TPCN2: variants seen among roughly 807,000 people sequenced by gnomAD.
TPCN2 encodes the protein two pore segment channel 2.
In TPCN2, 92 loss-of-function variants were observed where a neutral mutation model predicts 111.4. That is an observed-to-expected ratio of 0.83 (90% CI 0.70 to 0.98). The LOEUF is 0.98. Ranked by LOEUF, TPCN2 falls within the 50% of genes least tolerant of loss-of-function variation. The pLI is 0.00. For missense variants in TPCN2, 995 were observed against 980.1 expected (o/e 1.02, Z -0.20); for synonymous variants, 405 against 414.5 (o/e 0.98, Z 0.28).
In TPCN2 at chr11:69,078,692, T is replaced by C. The variant is rs751790353; in HGVS notation, c.1351-42T>C. The C allele has an allele frequency of 2.5e-6, 4 of 1,613,334 alleles. No homozygotes were observed. The African/African-American group carries it at 4.0e-5, about 16-fold the overall frequency. Reference sequence around the variant, plus strand: ...CTGCCCCTCCTGCCTCGCCCAGCGCTGTGCTGGGCCAGCCGGCGAGCCCTC... The same window carrying C: ...CTGCCCCTCCTGCCTCGCCCAGCGCCGTGCTGGGCCAGCCGGCGAGCCCTC... On this transcript the variant is annotated intron_variant, in intron 14 of 24. Coordinates refer to ENST00000294309, the MANE Select transcript of TPCN2 (RefSeq NM_139075.4).
intron 11 of TPCN2, 56 bp from the exon 12 acceptor site, chr11:69,072,571 G>T (rs1855583260): frequency 6.3e-7 from 1 of 1,586,780 alleles, no homozygotes; most frequent in Non-Finnish European, 8.6e-7. Context: ...CCCAGGCCAG[G>T]GTTCCAAGGG....
At chr11:69,063,995 A>G (rs1332967915) in intron 7 of TPCN2, 28 bp downstream of exon 7, 2 of 1,607,962 alleles carry the variant, frequency 1.2e-6, no homozygotes, top group South Asian at 2.2e-5. Context: ...AGGGTCTGGG[A>G]ATGGGGCTGC....
chr11:69,066,875 A>G (rs1283679720), intron 7 of TPCN2, among the ~76,000 whole-genome samples: 1 of 152,074 alleles, frequency 6.6e-6, no homozygotes, highest in Non-Finnish European at 1.5e-5. Context: ...TCTCAAGCAG[A>G]GTTGCTTTCC....
At chr11:69,072,603 C>A (rs3750964) in intron 11 of TPCN2, 24 bp from the exon 12 acceptor site, 1 of 1,612,726 alleles carries the variant, frequency 6.2e-7, no homozygotes, top group South Asian at 1.1e-5. Flanking sequence ...CTGTGCTCAC[C>A]GGGCTGTGGG....
intron 18 of TPCN2, among the ~76,000 whole-genome samples, chr11:69,081,892 G>T (rs1856027611): frequency 6.6e-6 from 1 of 152,164 alleles, no homozygotes; most frequent in East Asian, 1.9e-4. Context: ...CAGGGAGCTT[G>T]TTTCCAGGAT....
At chr11:69,051,230 C>T (rs1177359461) in intron 1 of TPCN2, among the ~76,000 whole-genome samples, 7 of 152,184 alleles carry the variant, frequency 4.6e-5, no homozygotes, top group African/African-American at 9.7e-5. Flanking sequence ...CTGATGGGGC[C>T]GGGGTCAAAG....
chr11:69,076,011 T>G (rs1855738350), intron 13 of TPCN2, among the ~76,000 whole-genome samples: 1 of 152,202 alleles, frequency 6.6e-6, no homozygotes, highest in Non-Finnish European at 1.5e-5. Flanking sequence ...AAATCTCTCT[T>G]GGCCAAGGTG....
In TPCN2 at chr11:69,078,990, G is replaced by GT. The variant is rs1380910177; in HGVS notation, c.1512dup (p.Asp505Ter). On this transcript the variant is annotated frameshift_variant, in exon 16 of 25. Transcript: ENST00000294309. LOFTEE classifies it high-confidence loss of function. ...GGTACCTGTCCTACCCCAGCAACGT[G>GT]TTTGACGGGCTCCTCACCGTTGTCC... The GT allele has an allele frequency of 6.2e-7, 1 of 1,613,548 alleles. No homozygotes were observed. The highest frequency in any genetic ancestry group is 1.1e-5 in the South Asian group (1 of 91,006).
intron 18 of TPCN2, among the ~76,000 whole-genome samples, chr11:69,083,582 A>G (rs1856137717): frequency 1.3e-5 from 2 of 152,198 alleles, no homozygotes. Flanking sequence ...GTTGGGAGGC[A>G]GAGAAGGGCC....
At chr11:69,076,068 C>T (rs749143201) in intron 13 of TPCN2, among the ~76,000 whole-genome samples, 4 of 152,118 alleles carry the variant, frequency 2.6e-5, no homozygotes, top group East Asian at 1.9e-4. Context: ...GTGGCAACTA[C>T]GATAAAAGAG....
intron 2 of TPCN2, 197 bp downstream of exon 2, chr11:69,054,294 C>T: frequency 5.0e-6 from 3 of 597,906 alleles, no homozygotes; most frequent in Admixed American, 2.9e-5. Flanking sequence ...GACGCATTTG[C>T]TGCTTTGATG....
intron 18 of TPCN2, among the ~76,000 whole-genome samples, chr11:69,082,549 G>A (rs12576631): frequency 6.6e-6 from 1 of 152,104 alleles, no homozygotes; most frequent in Non-Finnish European, 1.5e-5. Flanking sequence ...ATGTGAACTC[G>A]TGCCCGGGTA....
At chr11:69,061,574 G>A (rs1394777128) in intron 5 of TPCN2, among the ~76,000 whole-genome samples, 1 of 152,190 alleles carries the variant, frequency 6.6e-6, no homozygotes, top group African/African-American at 2.4e-5. Context: ...GGCGGATCGG[G>A]CAGTGCGGGG....
rs117594903 is a variant in TPCN2, at chr11:69,085,808, C to G, written c.1921-40C>G. On this transcript the variant is annotated intron_variant, in intron 21 of 24. Coordinates refer to ENST00000294309, the MANE Select transcript of TPCN2 (RefSeq NM_139075.4). ...CTCCCCGGGCTCCTCCCCTCCCTAC[C>G]TCCTGGGCCCTCCTGGACCGCTGGT... is the stretch of plus-strand genomic sequence containing the variant. 6,089 of 1,613,008 alleles carry G rather than the reference C, an allele frequency of 3.8e-3. 26 individuals are homozygous for G. The highest frequency in any genetic ancestry group is 4.8e-3 in the Non-Finnish European group (5,614 of 1,178,962).
intron 18 of TPCN2, among the ~76,000 whole-genome samples, chr11:69,081,722 C>T (rs554844477): frequency 1.3e-5 from 2 of 152,254 alleles, no homozygotes; most frequent in East Asian, 1.9e-4. Context: ...GAGAGGAAGG[C>T]GGGCAAGGGT....
chr11:69,051,455 G>A (rs937570291), intron 1 of TPCN2, among the ~76,000 whole-genome samples: 1 of 152,220 alleles, frequency 6.6e-6, no homozygotes, highest in African/African-American at 2.4e-5. Flanking sequence ...AGGACCTGGA[G>A]CACCTAGAGG....
chr11:69,071,646 G>GTCCC (rs932656983), intron 10 of TPCN2, among the ~76,000 whole-genome samples: 5 of 152,206 alleles, frequency 3.3e-5, no homozygotes, highest in African/African-American at 1.2e-4. Context: ...CCCTCTTGAG[G>GTCCC]GGGAGCTGGG....
chr11:69,078,002 T>C (rs1261117747), intron 13 of TPCN2, among the ~76,000 whole-genome samples: 1 of 152,200 alleles, frequency 6.6e-6, no homozygotes, highest in African/African-American at 2.4e-5. Context: ...CTGCTGAGCG[T>C]GGGAAGTGCT....
chr11:69,067,425 G>T lies in TPCN2; in HGVS notation c.727-78G>T, dbSNP rs1001180809. The T allele has an allele frequency of 3.7e-6, 5 of 1,350,530 alleles. No individual in the cohort carries two copies. The Admixed American group carries it at 5.1e-5, about 14-fold the overall frequency. The allele number at this position is 1,350,530 out of a possible 1,614,324, so 83.7% of individuals were successfully genotyped here. A position where few individuals can be genotyped will look rare whatever the true frequency, so the allele number is the denominator to read the frequency against. On this transcript the variant is annotated intron_variant, in intron 7 of 24. Transcript: ENST00000294309. ...GGGCGGCGGGTGGATGGTTCCAGCC[G>T]GTTGGGTCCGGGGCCTGGAGCTCAG... is the stretch of plus-strand genomic sequence containing the variant.
Sources: allele counts gnomAD v4.1 joint callset (sites outside exome capture counted in the v4.1 genomes callset), GRCh38; gene constraint gnomAD v4.1.1; transcripts MANE v1.5; gene names NCBI Gene and HGNC (gene_info 2026-07-23, HGNC 2026-07-21).